Variants in TGFBRAP1 observed in about 807,000 individuals in gnomAD.
TGFBRAP1 encodes transforming growth factor beta receptor associated protein 1.
A neutral mutation model predicts 83.2 loss-of-function variants in TGFBRAP1; 20 were observed. That is an observed-to-expected ratio of 0.24 (90% confidence interval 0.17 to 0.35). TGFBRAP1 has a LOEUF of 0.35. TGFBRAP1 is among the 10% of genes least tolerant of loss of function. TGFBRAP1 has a pLI of 1.00. For missense variants in TGFBRAP1, 950 were observed against 1,099.4 expected (o/e 0.86, Z 1.92); for synonymous variants, 415 against 459.8 (o/e 0.90, Z 1.25).
chr2:105,270,614 T>G (rs982166275), intron 10 of TGFBRAP1, among the ~76,000 whole-genome samples: 11 of 152,228 alleles, frequency 7.2e-5, no homozygotes, highest in African/African-American at 2.7e-4. Context: ...TATAGGCATT[T>G]GAATCTTGGC....
chr2:105,284,294 T>G (rs1311148784), intron 5 of TGFBRAP1, 22 bp downstream of exon 5: 2 of 1,612,252 alleles, frequency 1.2e-6, no homozygotes, highest in Non-Finnish European at 1.7e-6. Flanking sequence ...GTGGCAGTCT[T>G]GCTACCAGCA....
intron 4 of TGFBRAP1, among the ~76,000 whole-genome samples, chr2:105,295,703 C>T (rs575841113): frequency 1.3e-5 from 2 of 149,084 alleles, no homozygotes; most frequent in East Asian, 2.0e-4. Flanking sequence ...CCCAGCTACT[C>T]GGGAGGCTGA....
Position 105,295,681 on chromosome 2 carries a change from G to T in TGFBRAP1, c.1038+675C>A, listed in dbSNP as rs542467629. Among the ~76,000 whole-genome samples, 19 of 151,786 alleles carry T rather than the reference G, an allele frequency of 1.3e-4. No individual in the cohort carries two copies. In the East Asian group the frequency reaches 3.1e-3, roughly 25 times the overall value. On this transcript the variant is annotated intron_variant, in intron 4 of 11. Coordinates refer to ENST00000393359, the MANE Select transcript of TGFBRAP1 (RefSeq NM_004257.6). ...CAAAAATTTGCTGGGTGTGGTGGCG[G>T]GCGCCTGTATTCCCAGCTACTCGGG...
In TGFBRAP1 at chr2:105,326,634, A is replaced by C. The variant is rs371959060; in HGVS notation, c.-18+2991T>G. Among the ~76,000 whole-genome samples, 36 of 152,248 alleles carry C rather than the reference A, an allele frequency of 2.4e-4. No homozygotes were observed. The East Asian group carries it at 2.9e-3, about 12-fold the overall frequency. ...CTTGGGAGGCTAAAGTGGAAGGATCACTTGAGCCTGGAAGATGGAGGTTGC... is the reference window on the plus strand; with the variant it reads ...CTTGGGAGGCTAAAGTGGAAGGATCCCTTGAGCCTGGAAGATGGAGGTTGC... On this transcript the variant is annotated intron_variant, in intron 1 of 11. Transcript: ENST00000393359.
At chr2:105,299,175 G>A (rs530601801) in intron 2 of TGFBRAP1, among the ~76,000 whole-genome samples, 2 of 152,086 alleles carry the variant, frequency 1.3e-5, no homozygotes, top group Admixed American at 1.3e-4. Flanking sequence ...CAGCTACTCG[G>A]GAGGCTAAGG....
At position 105,308,050 on chromosome 2, in the gene TGFBRAP1, C is replaced by T. The variant is rs756300308; in HGVS notation, c.252G>A (p.Ala84=). 8.1e-6 allele frequency: 13 copies of T among 1,613,764 alleles called. No homozygotes were observed. The highest frequency in any genetic ancestry group is 4.4e-5 in the South Asian group (4 of 91,072). ...GFKKPVNELR[A]ASALNRLLVL... is the part of the protein sequence containing the mutation. ...CCAGCAGCCTGTTGAGTGCTGAGGCCGCACGCAGCTCGTTCACGGGCTTCT... is the reference window on the plus strand; with the variant it reads ...CCAGCAGCCTGTTGAGTGCTGAGGCTGCACGCAGCTCGTTCACGGGCTTCT... Residue 84 remains alanine (A), a synonymous_variant, in exon 2 of 12, where the codon GCG becomes GCA. Transcript: ENST00000393359.
At chr2:105,258,226 A>C in the TGFBRAP1 span, among the ~76,000 whole-genome samples, 1 of 152,202 alleles carries the variant, frequency 6.6e-6, no homozygotes, top group Non-Finnish European at 1.5e-5. Flanking sequence ...TCCCAGACAG[A>C]AAGATCCTTC....
At chr2:105,288,628 A>G (rs1677794888) in intron 4 of TGFBRAP1, among the ~76,000 whole-genome samples, 1 of 152,200 alleles carries the variant, frequency 6.6e-6, no homozygotes, top group Non-Finnish European at 1.5e-5. Flanking sequence ...CTAAATTCTA[A>G]ACAAAAATTG....
chr2:105,314,877 G>C (rs955522272), intron 1 of TGFBRAP1, among the ~76,000 whole-genome samples: 14 of 149,714 alleles, frequency 9.4e-5, no homozygotes, highest in African/African-American at 3.4e-4. Context: ...TTGGACCCAG[G>C]AGGCAGAGCT....
intron 1 of TGFBRAP1, among the ~76,000 whole-genome samples, chr2:105,319,586 G>A (rs1678993708): frequency 1.3e-5 from 2 of 149,156 alleles, no homozygotes; most frequent in South Asian, 2.1e-4. Context: ...CAGCTACTTG[G>A]GAGGCTGAGG....
chr2:105,257,026 C>T, the TGFBRAP1 span, among the ~76,000 whole-genome samples: 2 of 152,164 alleles, frequency 1.3e-5, no homozygotes, highest in African/African-American at 2.4e-5. Context: ...AATAATCCAC[C>T]CCTTGTTTAG....
rs547952043 is a variant in TGFBRAP1 at position 105,299,784 on chromosome 2, A to C, written c.689-1079T>G. Among the ~76,000 whole-genome samples, 11 of 152,228 alleles carry C rather than the reference A, an allele frequency of 7.2e-5. No homozygotes were observed. In the South Asian group the frequency reaches 2.3e-3, roughly 32 times the overall value. ...GAGTCAGTAACAAAGGCATCCACGC[A>C]AAAAGCAAAGCAAAGCTTTCACTAG... On this transcript the variant is annotated intron_variant, in intron 2 of 11. Transcript: ENST00000393359.
chr2:105,270,264 T>G (rs908053769), intron 10 of TGFBRAP1, among the ~76,000 whole-genome samples: 1 of 152,218 alleles, frequency 6.6e-6, no homozygotes, highest in East Asian at 1.9e-4. Context: ...AATAGGATTT[T>G]TTTGTTTGTT....
chr2:105,318,266 A>G (rs1373463160), intron 1 of TGFBRAP1, among the ~76,000 whole-genome samples: 1 of 152,196 alleles, frequency 6.6e-6, no homozygotes, highest in Non-Finnish European at 1.5e-5. Context: ...GCCGCCCACA[A>G]GGATGAATCT....
intron 10 of TGFBRAP1, 102 bp downstream of exon 10, chr2:105,272,753 T>C (rs998622069): frequency 6.9e-7 from 1 of 1,439,726 alleles, no homozygotes; most frequent in South Asian, 1.2e-5. Context: ...AATCACCCTG[T>C]GCAATCAACC....
At chr2:105,299,900 G>T (rs1480765962) in intron 2 of TGFBRAP1, among the ~76,000 whole-genome samples, 2 of 152,204 alleles carry the variant, frequency 1.3e-5, no homozygotes, top group Non-Finnish European at 2.9e-5. Context: ...AGAGGGGACT[G>T]TGATCAACAC....
intron 1 of TGFBRAP1, among the ~76,000 whole-genome samples, chr2:105,317,008 C>G (rs1678906738): frequency 6.6e-6 from 1 of 152,042 alleles, no homozygotes; most frequent in African/African-American, 2.4e-5. Context: ...TATGTGGAAA[C>G]TTGAAACCTG....
intron 1 of TGFBRAP1, among the ~76,000 whole-genome samples, chr2:105,323,474 T>C (rs1679126890): frequency 1.3e-5 from 2 of 152,204 alleles, no homozygotes; most frequent in Non-Finnish European, 2.9e-5. Flanking sequence ...ATCGTGGGTA[T>C]TGAGCAGGAC....
rs758024285 is a variant in TGFBRAP1, at chr2:105,273,631, A to G, written c.1725T>C (p.Asn575=). 3.7e-6 allele frequency: 6 copies of G among 1,614,236 alleles called. No homozygotes were observed. In the East Asian group the frequency reaches 1.1e-4, roughly 30 times the overall value. Reference sequence around the variant, plus strand: ...TAAGGCAATTGATAATGTCGTCTGGATTAAAACTGTTCTTCTGCTGTTCAT... The same window carrying G: ...TAAGGCAATTGATAATGTCGTCTGGGTTAAAACTGTTCTTCTGCTGTTCAT... The part of the protein sequence containing the change: ...PLDEQQKNSF[N]PDDIINCLKK... Residue 575 remains asparagine, a synonymous_variant, in exon 9 of 12, where the codon AAT becomes AAC. Transcript: ENST00000393359.
Sources: allele counts gnomAD v4.1 joint callset (sites outside exome capture counted in the v4.1 genomes callset), GRCh38; gene constraint gnomAD v4.1.1; transcripts MANE v1.5; gene names NCBI Gene and HGNC (gene_info 2026-07-23, HGNC 2026-07-21).